The following PTPRD variants were observed in gnomAD, a reference collection of about 807,000 sequenced individuals.
The protein encoded by PTPRD is protein tyrosine phosphatase receptor type D, also known as receptor-type tyrosine-protein phosphatase delta.
PTPRD carries 34 observed loss-of-function variants against 214.5 expected under a neutral mutation model. The ratio of observed to expected loss-of-function variants is 0.16; its 90% CI spans 0.12 to 0.21. PTPRD has a LOEUF of 0.21. PTPRD is among the 10% of genes least tolerant of loss of function. The pLI, the probability that PTPRD is intolerant of heterozygous loss-of-function variation, is 1.00. For synonymous variants in PTPRD, 1,128 were observed against 845.7 expected (o/e 1.33, Z -5.79); for missense variants, 2,545 against 2,398.7 (o/e 1.06, Z -1.27).
Position 8,759,087 on chromosome 9 carries a change from G to C in PTPRD, c.-103-25141C>G, listed in dbSNP as rs1040656590. On this transcript the variant is annotated intron_variant, in intron 11 of 45. Transcript: ENST00000381196. ...ACTCTGTCACCCAGGCTGGAGTACAGTGACACGATCAAGGCTCACTGCAGC... is the reference window on the plus strand; with the variant it reads ...ACTCTGTCACCCAGGCTGGAGTACACTGACACGATCAAGGCTCACTGCAGC... Among the ~76,000 whole-genome samples the C allele has an allele frequency of 6.4e-4, 97 of 151,808 alleles. 2 individuals are homozygous for C. Among genetic ancestry groups the C allele is most frequent in the Non-Finnish European group, 2.6e-4 (18 of 67,978 alleles).
At chr9:9,590,542 A>G (rs1424426103) in intron 7 of PTPRD, among the ~76,000 whole-genome samples, 1 of 152,030 alleles carries the variant, frequency 6.6e-6, no homozygotes, top group African/African-American at 2.4e-5. Flanking sequence ...TCTATAATGA[A>G]CATCAATTCC....
intron 33 of PTPRD, chr9:8,460,175 G>A: frequency 3.7e-6 from 2 of 545,158 alleles, no homozygotes; most frequent in South Asian, 4.1e-5. Context: ...AAGATTGGAG[G>A]CCAGAATAGA....
intron 10 of PTPRD, among the ~76,000 whole-genome samples, chr9:9,075,233 A>G (rs756385180): frequency 1.2e-4 from 18 of 152,100 alleles, no homozygotes; most frequent in Non-Finnish European, 2.1e-4. Context: ...ATGATGCATA[A>G]TAATTACAAC....
At chr9:10,450,732 C>G (rs1353062854) in intron 2 of PTPRD, among the ~76,000 whole-genome samples, 2 of 151,976 alleles carry the variant, frequency 1.3e-5, no homozygotes, top group Non-Finnish European at 2.9e-5. Flanking sequence ...ATCCTGCTGG[C>G]CTTTGTTCTT....
chr9:8,906,270 A>C (rs1225434991), intron 11 of PTPRD, among the ~76,000 whole-genome samples: 1 of 152,116 alleles, frequency 6.6e-6, no homozygotes, highest in Non-Finnish European at 1.5e-5. Context: ...GGAGCTAAGC[A>C]CTGTTTTTTT....
chr9:8,721,020 C>A (rs2098488823), intron 12 of PTPRD, among the ~76,000 whole-genome samples: 1 of 150,810 alleles, frequency 6.6e-6, no homozygotes, highest in African/African-American at 2.5e-5. Flanking sequence ...CTAGGCAGGT[C>A]ATCTACTCTG....
chr9:8,604,057 C>G (rs1039863747), intron 14 of PTPRD, among the ~76,000 whole-genome samples: 5 of 152,204 alleles, frequency 3.3e-5, no homozygotes, highest in African/African-American at 1.2e-4. Context: ...TTCTTCACTT[C>G]AGCTTCCAGC....
chr9:10,338,680 G>T (rs1284977300), intron 3 of PTPRD, among the ~76,000 whole-genome samples: 1 of 151,712 alleles, frequency 6.6e-6, no homozygotes, highest in African/African-American at 2.4e-5. Context: ...ACGTCAAAGT[G>T]CTGCTTTCTT....
chr9:9,401,168 C>G (rs1450930088), intron 8 of PTPRD, among the ~76,000 whole-genome samples: 1 of 151,840 alleles, frequency 6.6e-6, no homozygotes, highest in Non-Finnish European at 1.5e-5. Flanking sequence ...AAATAGGTAC[C>G]CATTCTGGGC....
At chr9:8,928,456 G>A (rs1277204154) in intron 11 of PTPRD, among the ~76,000 whole-genome samples, 1 of 152,132 alleles carries the variant, frequency 6.6e-6, no homozygotes, top group Non-Finnish European at 1.5e-5. Context: ...TTATTAAACA[G>A]GGAATCCTTT....
At chr9:8,932,928 C>T (rs2098963134) in intron 11 of PTPRD, among the ~76,000 whole-genome samples, 1 of 152,116 alleles carries the variant, frequency 6.6e-6, no homozygotes, top group Non-Finnish European at 1.5e-5. Context: ...TGAAAAACTC[C>T]TGCAGCTAGC....
chr9:8,904,828 T>C (rs1326644066), intron 11 of PTPRD, among the ~76,000 whole-genome samples: 1 of 152,190 alleles, frequency 6.6e-6, no homozygotes, highest in Non-Finnish European at 1.5e-5. Flanking sequence ...ATAATGCATG[T>C]TTTCATATAA....
intron 4 of PTPRD, among the ~76,000 whole-genome samples, chr9:9,967,705 GT>G (rs2094804594): frequency 6.6e-6 from 1 of 152,164 alleles, no homozygotes; most frequent in South Asian, 2.1e-4. Flanking sequence ...GGGGTTGGCA[GT>G]TTTGGTTTGC....
rs181338894 is a variant in PTPRD, at chr9:9,785,426, G to T, written c.-367-18575C>A. Among the ~76,000 whole-genome samples the T allele has an allele frequency of 4.6e-5, 7 of 152,128 alleles. No homozygotes were observed. In the East Asian group the frequency reaches 1.4e-3, roughly 29 times the overall value. The stretch of plus-strand genomic sequence containing the variant: ...AGTATATATCATTATCATGTACCTT[G>T]ATATGATGTACTGAAAAGGACACAA... On this transcript the variant is annotated intron_variant, in intron 5 of 45. Coordinates refer to ENST00000381196, the MANE Select transcript of PTPRD (RefSeq NM_002839.4).
chr9:10,606,033 T>G lies in PTPRD; in HGVS notation c.-600+6365A>C, dbSNP rs536423429. Among the ~76,000 whole-genome samples the G allele has an allele frequency of 3.9e-4, 59 of 151,966 alleles. 1 individual carries two copies. The highest frequency in any genetic ancestry group is 1.4e-3 in the African/African-American group (57 of 41,500). ...CTAAGAGTAGTGCATAATGTGAATA[T>G]GGTACCTGAATTATTGTCCTATCCT... On this transcript the variant is annotated intron_variant, in intron 2 of 45. Transcript: ENST00000381196.
In PTPRD at chr9:9,324,040, T is replaced by A. The variant is rs190049873; in HGVS notation, c.-203+73409A>T. Among the ~76,000 whole-genome samples, 1,353 of 152,308 alleles carry A rather than the reference T, an allele frequency of 8.9e-3. 14 individuals are homozygous for A. Among genetic ancestry groups the A allele is most frequent in the African/African-American group, 0.031 (1,274 of 41,564 alleles). On this transcript the variant is annotated intron_variant, in intron 9 of 45. Transcript: ENST00000381196. ...GAGCTCATCCTTTTTTATGGCTGCA[T>A]AGTATTCCATGTAGTATATGTGCCA...
At chr9:10,092,646 G>T (rs1451395745) in intron 3 of PTPRD, among the ~76,000 whole-genome samples, 1 of 151,340 alleles carries the variant, frequency 6.6e-6, no homozygotes, top group Non-Finnish European at 1.5e-5. Flanking sequence ...AAATAGCCAA[G>T]TCAATCCTAT....
At chr9:8,758,994 C>A (rs2094217759) in intron 11 of PTPRD, among the ~76,000 whole-genome samples, 1 of 150,318 alleles carries the variant, frequency 6.7e-6, no homozygotes, top group South Asian at 2.1e-4. Flanking sequence ...CTAACAGGGT[C>A]ATTTTTTTAA....
intron 10 of PTPRD, among the ~76,000 whole-genome samples, chr9:9,131,658 C>T (rs2099842813): frequency 6.6e-6 from 1 of 152,096 alleles, no homozygotes; most frequent in Admixed American, 6.5e-5. Flanking sequence ...TAATGCTATT[C>T]TTAATTAATT....
Sources: gnomAD v4.1 joint callset for allele counts (sites outside exome capture counted in the v4.1 genomes callset) on GRCh38, gnomAD v4.1.1 for gene constraint, MANE v1.5 for transcripts, NCBI Gene and HGNC (gene_info 2026-07-23, HGNC 2026-07-21) for gene names.